RP1: variants seen among roughly 807,000 people sequenced by gnomAD.
RP1 encodes the protein RP1 axonemal microtubule associated.
Under a neutral mutation model 14.8 loss-of-function variants are expected in RP1, and 16 were observed. The ratio of observed to expected loss-of-function variants is 1.08; its 90% CI spans 0.73 to 1.65. The LOEUF (loss-of-function observed/expected upper bound fraction) is 1.65. RP1 is among the 40% of genes most tolerant of loss of function. The pLI, the probability that RP1 is intolerant of heterozygous loss-of-function variation, is 0.00. For missense variants in RP1, 2,631 were observed against 2,535.0 expected, an observed-to-expected ratio of 1.04 and a Z score of -0.81; for synonymous variants, 876 against 883.6, an observed-to-expected ratio of 0.99 and a Z score of 0.15.
chr8:54,846,558 T>C (rs772937799), intron 25 of RP1, among the ~76,000 whole-genome samples: 3 of 152,232 alleles, frequency 2.0e-5, no homozygotes, highest in Admixed American at 2.0e-4. Flanking sequence ...TTCAACATAC[T>C]TGACTTAACA....
At chr8:54,607,779 A>T (rs754383472) in intron 1 of RP1, among the ~76,000 whole-genome samples, 1 of 152,126 alleles carries the variant, frequency 6.6e-6, no homozygotes, top group Admixed American at 6.5e-5. Context: ...GCCACCTTGC[A>T]GTTTGATCTC....
At chr8:54,783,761 A>G (rs1284380342) in intron 24 of RP1, 1 of 1,115,214 alleles carries the variant, frequency 9.0e-7, no homozygotes. Context: ...TGTGATATAC[A>G]TCCCCGAAGA....
intron 14 of RP1, among the ~76,000 whole-genome samples, chr8:54,703,450 ATAC>A (rs908000526): frequency 6.6e-6 from 1 of 152,138 alleles, no homozygotes; most frequent in Admixed American, 6.6e-5. Context: ...TGGGCTGAAA[ATAC>A]TCAGTAAACG....
intron 24 of RP1, among the ~76,000 whole-genome samples, chr8:54,823,529 C>A (rs143671766): frequency 2.6e-5 from 4 of 152,078 alleles, no homozygotes; most frequent in African/African-American, 9.7e-5. Context: ...GGGGTTTCAC[C>A]ATGTTGACCT....
At chr8:54,701,441 T>A (rs1465590254) in intron 13 of RP1, 1 of 1,472,208 alleles carries the variant, frequency 6.8e-7, no homozygotes, top group Non-Finnish European at 8.9e-7. Context: ...TTAAATTTTT[T>A]TTTTCTGTTA....
At chr8:54,804,004 G>T (rs753458438) in intron 24 of RP1, among the ~76,000 whole-genome samples, 2 of 151,930 alleles carry the variant, frequency 1.3e-5, no homozygotes, top group Non-Finnish European at 2.9e-5. Context: ...GGAGGCGGAG[G>T]TTACAGTGAG....
In RP1 at chr8:54,843,875, A is replaced by G. The variant is rs553836019; in HGVS notation, c.3835+6206A>G. On this transcript the variant is annotated intron_variant, in intron 25 of 28. Coordinates refer to the RP1 transcript ENST00000637698. Reference sequence around the variant, plus strand: ...AGTCCCTGGGGCAGTCATTAGTGTTACCTAGGCGCTTTAGAGCCTCATGGC... The same window carrying G: ...AGTCCCTGGGGCAGTCATTAGTGTTGCCTAGGCGCTTTAGAGCCTCATGGC... 1.4e-4 allele frequency among the ~76,000 whole-genome samples: 22 copies of G among 152,246 alleles called. No homozygotes were observed. The South Asian group carries it at 4.6e-3, about 31-fold the overall frequency.
chr8:54,620,904 T>C, intron 1 of RP1, 51 bp from the exon 2 acceptor site: 1 of 1,531,022 alleles, frequency 6.5e-7, no homozygotes, highest in Non-Finnish European at 9.1e-7. Context: ...AGTATTACCA[T>C]GTATTCGCTA....
At chr8:54,697,290 C>T (rs1326014475) in intron 12 of RP1, among the ~76,000 whole-genome samples, 4 of 152,160 alleles carry the variant, frequency 2.6e-5, no homozygotes. Context: ...CGTGATGGCT[C>T]ATGCCTGTAA....
At chr8:54,645,843 T>C (rs78535013) in intron 3 of RP1, among the ~76,000 whole-genome samples, 28 of 151,888 alleles carry the variant, frequency 1.8e-4, no homozygotes, top group African/African-American at 6.0e-4. Context: ...AAATTTATTG[T>C]TTTTTTTAGA....
At chr8:54,562,746 A>T (rs1804315847) in intron 1 of RP1, among the ~76,000 whole-genome samples, 1 of 152,258 alleles carries the variant, frequency 6.6e-6, no homozygotes, top group Admixed American at 6.5e-5. Context: ...TTTTCACATT[A>T]GATTTCAACA....
intron 1 of RP1, among the ~76,000 whole-genome samples, chr8:54,579,481 TC>T (rs568617596): frequency 1.3e-5 from 2 of 152,106 alleles, no homozygotes; most frequent in African/African-American, 4.8e-5. Context: ...TTGTGGCATT[TC>T]CCCCCCAGTA....
chr8:54,691,287 G>T lies in RP1; in HGVS notation c.1718-8180G>T, dbSNP rs1807703292. Among the ~76,000 whole-genome samples, 5 of 152,076 alleles carry T rather than the reference G, an allele frequency of 3.3e-5. No individual in the cohort carries two copies. In the South Asian group the frequency reaches 1.0e-3, roughly 31 times the overall value. On this transcript the variant is annotated intron_variant, in intron 12 of 22. Transcript: ENST00000636932. ...GAAGAATTTCTAGCAAGCAAAATTG[G>T]CAGGGCTTGGTGATATATTGGAAAA... is the stretch of plus-strand genomic sequence containing the variant.
In RP1 at chr8:54,727,001, G is replaced by A. The variant is rs576562965; in HGVS notation, c.2521+525G>A. Among the ~76,000 whole-genome samples, 123 of 152,042 alleles carry A rather than the reference G, an allele frequency of 8.1e-4. 1 individual carries two copies. In the South Asian group the frequency reaches 0.017, roughly 21 times the overall value. ...TAATATATGATATCTGACAAATTCCGTGTATCAGAATCTAGTCATCTTTGG... is the reference window on the plus strand; with the variant it reads ...TAATATATGATATCTGACAAATTCCATGTATCAGAATCTAGTCATCTTTGG... On this transcript the variant is annotated intron_variant, in intron 17 of 22. Coordinates refer to the RP1 transcript ENST00000636932.
chr8:54,790,109 G>A (rs948886847), intron 24 of RP1, among the ~76,000 whole-genome samples: 3 of 152,132 alleles, frequency 2.0e-5, no homozygotes, highest in African/African-American at 4.8e-5. Flanking sequence ...AGAGGCAATT[G>A]TGGAGCCCAG....
At chr8:54,827,264 T>C (rs1417596921) in intron 24 of RP1, among the ~76,000 whole-genome samples, 1 of 152,198 alleles carries the variant, frequency 6.6e-6, no homozygotes, top group Non-Finnish European at 1.5e-5. Context: ...TTGATTTTTC[T>C]GTAATAACAC....
chr8:54,692,682 A>C (rs1241471755), intron 12 of RP1, among the ~76,000 whole-genome samples: 1 of 140,278 alleles, frequency 7.1e-6, no homozygotes, highest in Non-Finnish European at 1.5e-5. Flanking sequence ...TTTTCTTGTA[A>C]ATTTGTTTGA....
chr8:54,624,443 C>CAAAAAAAAAA (rs11332494), intron 3 of RP1, among the ~76,000 whole-genome samples: 22 of 56,592 alleles, frequency 3.9e-4, no homozygotes, highest in East Asian at 4.9e-4. Context: ...GACTCTGTCT[C>CAAAAAAAAAA]AAAAAAAAAA....
intron 9 of RP1, among the ~76,000 whole-genome samples, chr8:54,678,781 CCT>C (rs1676032260): frequency 1.3e-5 from 2 of 152,052 alleles, no homozygotes; most frequent in Non-Finnish European, 2.9e-5. Context: ...AAAAATATTA[CCT>C]CTCTGTACAT....
Sources: gnomAD v4.1 joint callset for allele counts (sites outside exome capture counted in the v4.1 genomes callset) on GRCh38, gnomAD v4.1.1 for gene constraint, MANE v1.5 for transcripts, NCBI Gene and HGNC (gene_info 2026-07-23, HGNC 2026-07-21) for gene names.